IFT172: variants seen among roughly 807,000 people sequenced by gnomAD.
IFT172 encodes the protein intraflagellar transport 172.
In IFT172, 164 loss-of-function variants were observed where a neutral mutation model predicts 248.9. That is an observed-to-expected ratio of 0.66 (90% CI 0.58 to 0.75). IFT172 has a LOEUF of 0.75. Among genes scored for constraint, IFT172 ranks in the 30% least tolerant of loss-of-function variants. The pLI is 0.00. For missense variants in IFT172, 1,950 were observed against 2,192.4 expected, an observed-to-expected ratio of 0.89 and a Z score of 2.21; for synonymous variants, 729 against 791.6, an observed-to-expected ratio of 0.92 and a Z score of 1.33.
chr2:27,462,621 T>G (rs772750138), intron 20 of IFT172, 80 bp downstream of exon 20: 9 of 1,263,504 alleles, frequency 7.1e-6, no homozygotes, highest in Non-Finnish European at 1.0e-5. Context: ...CAGCACGCTT[T>G]CCTCCCTTGA....
chr2:27,462,294 GC>G (rs1307414450), intron 20 of IFT172, among the ~76,000 whole-genome samples: 1 of 152,050 alleles, frequency 6.6e-6, no homozygotes, highest in Non-Finnish European at 1.5e-5. Context: ...CAGCCTCCCA[GC>G]GTGCTGGGAT....
intron 29 of IFT172, among the ~76,000 whole-genome samples, chr2:27,457,316 T>A (rs181689862): frequency 2.2e-3 from 332 of 152,252 alleles, no homozygotes; most frequent in Non-Finnish European, 3.5e-3. Flanking sequence ...ATAGCTGTAA[T>A]CCCAACACTT....
At chr2:27,470,441 CCCA>C (rs1667476624) in intron 16 of IFT172, among the ~76,000 whole-genome samples, 1 of 152,186 alleles carries the variant, frequency 6.6e-6, no homozygotes, top group Non-Finnish European at 1.5e-5. Context: ...AAGCGCTCTA[CCCA>C]TACACACACA....
rs994445963 is a variant in IFT172 at position 27,446,155 on chromosome 2, C to T, written c.4755+105G>A. 6.0e-6 allele frequency: 8 copies of T among 1,334,652 alleles called. No individual in the cohort carries two copies. In the African/African-American group the frequency reaches 1.2e-4, roughly 19 times the overall value. 82.7% of individuals were successfully genotyped at this position (1,334,652 alleles called of 1,614,324 possible). ...CATAGGAGGACTACATCCTCCGTAACATCAGCCCTACACTCAGCTTTCCTC... is the reference window on the plus strand; with the variant it reads ...CATAGGAGGACTACATCCTCCGTAATATCAGCCCTACACTCAGCTTTCCTC... On this transcript the variant is annotated intron_variant, in intron 43 of 47. Coordinates refer to ENST00000260570, the MANE Select transcript of IFT172 (RefSeq NM_015662.3).
At chr2:27,459,546 A>G (rs1201557341) in intron 24 of IFT172, 24 bp from the exon 25 acceptor site, 3 of 1,612,954 alleles carry the variant, frequency 1.9e-6, no homozygotes, top group African/African-American at 2.7e-5. Context: ...GAAAGATATA[A>G]ATATGTAGGA....
rs1205730918 is a variant in IFT172, at chr2:27,472,234, T to C, written c.1524+16A>G. Reference sequence around the variant, plus strand: ...GTGGGCCAGCCAATGCCTAAGGCCTTAGTAGCTCTTCTCACACGAAGTTTC... The same window carrying C: ...GTGGGCCAGCCAATGCCTAAGGCCTCAGTAGCTCTTCTCACACGAAGTTTC... On this transcript the variant is annotated intron_variant, in intron 15 of 47. Coordinates refer to ENST00000260570, the MANE Select transcript of IFT172 (RefSeq NM_015662.3). 1.3e-6 allele frequency: 2 copies of C among 1,589,152 alleles called. No individual in the cohort carries two copies. The highest frequency in any genetic ancestry group is 1.7e-6 in the Non-Finnish European group (2 of 1,157,394).
chr2:27,461,004 G>A lies in IFT172; in HGVS notation c.2521+11C>T, dbSNP rs373403495. ...CACAACAGTAAAGGATGGCTTATAG[G>A]TGGCTAGTACCTTTCATGAATGCGT... On this transcript the variant is annotated intron_variant, in intron 23 of 47. Transcript: ENST00000260570. The A allele has an allele frequency of 2.2e-4, 360 of 1,613,980 alleles. No homozygotes were observed. The highest frequency in any genetic ancestry group is 3.0e-4 in the Non-Finnish European group (355 of 1,180,026).
chr2:27,477,239 A>G lies in IFT172; in HGVS notation c.1303T>C (p.Phe435Leu), dbSNP rs1668019605. 1.2e-6 allele frequency: 2 copies of G among 1,613,932 alleles called. No individual in the cohort carries two copies. The highest frequency in any genetic ancestry group is 1.3e-5 in the African/African-American group (1 of 74,892). Residue 435 changes from phenylalanine to leucine, a missense_variant, in exon 13 of 48, where the codon TTC becomes CTC. Physicochemically the swap from Phe to Leu is conservative, Grantham distance 22. This residue lies in a region of IFT172 where 1,166 missense variants were observed against 1,254.1 expected (regional missense o/e 0.93). Coordinates refer to ENST00000260570, the MANE Select transcript of IFT172 (RefSeq NM_015662.3). ...TACCTGATGAGGTGGGGGTTCATGA[A>G]TTCAGTGCGTACAGAACCCAGGGTG... is the stretch of plus-strand genomic sequence containing the variant. The part of the protein sequence containing the change: ...NDTLGSVRTE[F>L]MNPHLISVRI...
At chr2:27,479,446 A>C in intron 10 of IFT172, 63 bp downstream of exon 10, 1 of 910,590 alleles carries the variant, frequency 1.1e-6, no homozygotes, top group East Asian at 2.4e-5. Context: ...GAAGGCAGGG[A>C]AATGTTATAA....
At position 27,466,319 on chromosome 2, in the gene IFT172, A is replaced by T. The variant is rs1325114742; in HGVS notation, c.1693-437T>A. Among the ~76,000 whole-genome samples, 5 of 152,218 alleles carry T rather than the reference A, an allele frequency of 3.3e-5. No homozygotes were observed. The East Asian group carries it at 9.6e-4, about 29-fold the overall frequency. The stretch of plus-strand genomic sequence containing the variant: ...CTGAAAGAAAAAGGTCAATAAGCTA[A>T]ATCCTGAGCAAGAAAAAAAAGAAAG... On this transcript the variant is annotated intron_variant, in intron 16 of 47. Transcript: ENST00000260570.
At chr2:27,470,293 G>C (rs1667459024) in intron 16 of IFT172, among the ~76,000 whole-genome samples, 1 of 151,122 alleles carries the variant, frequency 6.6e-6, no homozygotes, top group Admixed American at 6.6e-5. Flanking sequence ...GAGGAAGAAA[G>C]AGTAAAAGAG....
At chr2:27,453,141 A>C in intron 35 of IFT172, 1 of 647,408 alleles carries the variant, frequency 1.5e-6, no homozygotes, top group Admixed American at 2.1e-5. Context: ...CAGATATGAT[A>C]GTAATTGAGC....
chr2:27,468,058 G>A (rs1667245931), intron 16 of IFT172, among the ~76,000 whole-genome samples: 1 of 151,646 alleles, frequency 6.6e-6, no homozygotes, highest in Admixed American at 6.6e-5. Flanking sequence ...TACTTAGGAG[G>A]CTGAGGCAGG....
At position 27,477,618 on chromosome 2, in the gene IFT172, A is replaced by G; in HGVS notation, c.1168-6T>C. On this transcript the variant is annotated splice_polypyrimidine_tract_variant and splice_region_variant and intron_variant, in intron 11 of 47. Coordinates refer to ENST00000260570, the MANE Select transcript of IFT172 (RefSeq NM_015662.3). ...CCAGATCCTTGCCAGGCTATCTGTAACGGGAGAAGACTTAAGAAGCAATGT... is the reference window on the plus strand; with the variant it reads ...CCAGATCCTTGCCAGGCTATCTGTAGCGGGAGAAGACTTAAGAAGCAATGT... 1 of 1,596,514 alleles carries G rather than the reference A, an allele frequency of 6.3e-7. No homozygotes were observed. Among genetic ancestry groups the G allele is most frequent in the Middle Eastern group, 1.7e-4 (1 of 6,026 alleles).
chr2:27,449,408 G>T, intron 38 of IFT172, 28 bp from the exon 39 acceptor site: 1 of 1,614,098 alleles, frequency 6.2e-7, no homozygotes, highest in Non-Finnish European at 8.5e-7. Flanking sequence ...AGAGTTACAA[G>T]AGAAAAGAGA....
At chr2:27,461,576 C>T in intron 21 of IFT172, 59 bp from the exon 22 acceptor site, 1 of 1,584,614 alleles carries the variant, frequency 6.3e-7, no homozygotes, top group East Asian at 2.2e-5. Context: ...TTCTGCCTCC[C>T]ATGCTTCTCC....
intron 10 of IFT172, 93 bp downstream of exon 10, chr2:27,479,416 T>G (rs552683015): frequency 2.6e-6 from 2 of 773,360 alleles, no homozygotes; most frequent in South Asian, 2.9e-5. Flanking sequence ...AAGATTAAAT[T>G]TGAACTATGG....
Position 27,450,202 on chromosome 2 carries a change from C to T in IFT172, c.3952-106G>A, listed in dbSNP as rs1266011884. On this transcript the variant is annotated intron_variant, in intron 35 of 47. Transcript: ENST00000260570. ...TTTCTCCTCCAGATGCCAACTTTTT[C>T]TCTTACTCTCCCCTTCAACCTTGCA... The T allele has an allele frequency of 5.0e-6, 4 of 804,572 alleles. No homozygotes were observed. In the African/African-American group the frequency reaches 6.8e-5, roughly 14 times the overall value. 49.8% of individuals were successfully genotyped at this position (804,572 alleles called of 1,614,324 possible).
chr2:27,452,996 T>C, intron 35 of IFT172: 1 of 346,438 alleles, frequency 2.9e-6, no homozygotes, highest in Non-Finnish European at 5.7e-6. Context: ...GGCCAGTTCC[T>C]GTGCCTGGAG....
Sources: allele counts gnomAD v4.1 joint callset (sites outside exome capture counted in the v4.1 genomes callset), GRCh38; gene constraint gnomAD v4.1.1; regional missense constraint gnomAD v4.1.1; transcripts MANE v1.5; gene names NCBI Gene and HGNC (gene_info 2026-07-23, HGNC 2026-07-21).